DNAH7: variants seen among roughly 807,000 people sequenced by gnomAD.
DNAH7 encodes dynein axonemal heavy chain 7.
A neutral mutation model predicts 444.6 loss-of-function variants in DNAH7; 397 were observed. The ratio of observed to expected loss-of-function variants is 0.89; its 90% CI spans 0.82 to 0.97. DNAH7 has a LOEUF of 0.97. Ranked by LOEUF, DNAH7 falls within the 50% of genes least tolerant of loss-of-function variation. DNAH7 has a pLI of 0.00. For missense variants in DNAH7, 4,902 were observed against 4,800.8 expected (o/e 1.02, Z -0.62); for synonymous variants, 1,636 against 1,624.4 (o/e 1.01, Z -0.17).
chr2:196,046,790 G>A (rs957563496), intron 5 of DNAH7, among the ~76,000 whole-genome samples: 2 of 152,076 alleles, frequency 1.3e-5, no homozygotes, highest in Non-Finnish European at 2.9e-5. Context: ...AACCCCACTC[G>A]TCCCACAAAT....
Position 195,751,168 on chromosome 2 carries a change from G to C in DNAH7, c.11764+3169C>G, listed in dbSNP as rs190008892. 2.8e-4 allele frequency among the ~76,000 whole-genome samples: 42 copies of C among 152,264 alleles called. 1 individual carries two copies. The highest frequency in any genetic ancestry group is 3.9e-4 in the Admixed American group (6 of 15,294). ...CTTTTGAGTATGTTAAGAATAAAGG[G>C]ATTTTGAACAAATGGTCAGAATAAT... On this transcript the variant is annotated intron_variant, in intron 63 of 64. Transcript: ENST00000312428.
intron 19 of DNAH7, among the ~76,000 whole-genome samples, chr2:195,950,373 G>T (rs961511072): frequency 1.3e-5 from 2 of 152,112 alleles, no homozygotes; most frequent in African/African-American, 4.8e-5. Flanking sequence ...ATTTCTTCTA[G>T]GTTTTGTAGT....
intron 39 of DNAH7, among the ~76,000 whole-genome samples, chr2:195,873,203 A>G (rs964076812): frequency 1.3e-5 from 2 of 152,176 alleles, no homozygotes; most frequent in Non-Finnish European, 2.9e-5. Flanking sequence ...CTCTGCAGCT[A>G]GGCAGCTCCA....
intron 27 of DNAH7, among the ~76,000 whole-genome samples, chr2:195,906,380 G>A (rs1337605083): frequency 6.8e-6 from 1 of 147,278 alleles, no homozygotes; most frequent in Non-Finnish European, 1.5e-5. Flanking sequence ...CTCAAGGATA[G>A]CATATTCTTT....
chr2:195,884,393 G>A (rs1346860910), intron 35 of DNAH7, among the ~76,000 whole-genome samples, 192 bp downstream of exon 35: 1 of 152,200 alleles, frequency 6.6e-6, no homozygotes, highest in African/African-American at 2.4e-5. Flanking sequence ...TGGCTATACA[G>A]AAAGAAAGTG....
intron 55 of DNAH7, among the ~76,000 whole-genome samples, chr2:195,798,841 T>C (rs1038269214): frequency 9.9e-5 from 15 of 152,054 alleles, no homozygotes; most frequent in African/African-American, 2.7e-4. Context: ...CCACCGTGCC[T>C]GGCCAGAACA....
chr2:195,856,286 T>C (rs1030855550), intron 44 of DNAH7, among the ~76,000 whole-genome samples: 58 of 152,184 alleles, frequency 3.8e-4, no homozygotes, highest in Non-Finnish European at 2.9e-5. Flanking sequence ...TATTACAATG[T>C]TATTAGAAGC....
intron 42 of DNAH7, among the ~76,000 whole-genome samples, chr2:195,860,301 T>C (rs745611578): frequency 2.0e-5 from 3 of 152,124 alleles, no homozygotes; most frequent in Non-Finnish European, 4.4e-5. Flanking sequence ...CCATGAGTGA[T>C]ATCCAAAATT....
At chr2:196,047,628 T>G (rs962336393) in intron 4 of DNAH7, 129 bp from the exon 5 acceptor site, 2 of 682,922 alleles carry the variant, frequency 2.9e-6, no homozygotes, top group Non-Finnish European at 4.1e-6. Flanking sequence ...ATCCTAAGTA[T>G]AATTTTTTTT....
rs1432034514 is a variant in DNAH7, at chr2:195,749,744, A to G, written c.11764+4593T>C. 6.6e-5 allele frequency among the ~76,000 whole-genome samples: 10 copies of G among 150,978 alleles called. No individual in the cohort carries two copies. In the East Asian group the frequency reaches 2.0e-3, roughly 30 times the overall value. On this transcript the variant is annotated intron_variant, in intron 63 of 64. Transcript: ENST00000312428. ...AACTATCGCAAGAACAAGAAACCAA[A>G]CACCGCGTATTCTCACTCATAGGTG...
chr2:195,748,885 A>G (rs958085793), intron 63 of DNAH7, among the ~76,000 whole-genome samples: 5 of 152,224 alleles, frequency 3.3e-5, no homozygotes, highest in Non-Finnish European at 7.3e-5. Context: ...TAAAAACCCT[A>G]GAAGAAAACC....
chr2:195,805,927 T>G (rs1223387215), intron 54 of DNAH7, among the ~76,000 whole-genome samples: 1 of 152,228 alleles, frequency 6.6e-6, no homozygotes, highest in African/African-American at 2.4e-5. Context: ...ATACATTACT[T>G]TGACAATCTA....
At chr2:195,958,667 T>C (rs529477048) in intron 18 of DNAH7, among the ~76,000 whole-genome samples, 3 of 152,214 alleles carry the variant, frequency 2.0e-5, no homozygotes, top group South Asian at 4.1e-4. Context: ...TTTCTAAGTA[T>C]AGAGAATATA....
At chr2:196,051,161 A>G (rs764763641) in intron 3 of DNAH7, 26 bp downstream of exon 3, 3 of 1,595,604 alleles carry the variant, frequency 1.9e-6, no homozygotes, top group Admixed American at 1.7e-5. Flanking sequence ...ACAAAAATTC[A>G]ATGAGAATAT....
At position 196,047,427 on chromosome 2, in the gene DNAH7, G is replaced by A. The variant is rs1289514949; in HGVS notation, c.323C>T (p.Ser108Phe). The A allele has an allele frequency of 6.2e-7, 1 of 1,605,176 alleles. No individual in the cohort carries two copies. The highest frequency in any genetic ancestry group is 8.5e-7 in the Non-Finnish European group (1 of 1,175,018). ...HQVDDSYVGPSTSKSKGKSPH... is the reference protein window; with the variant it reads ...HQVDDSYVGPFTSKSKGKSPH... ...AGATTTGCCCTTTGATTTGGAAGTA[G>A]ATGGTCCAACATAACTATCATCAAC... The change falls in exon 5 of 65, where the codon TCT (serine) becomes TTT (phenylalanine). Residue 108 changes from serine (S) to phenylalanine (F), a missense_variant. By Grantham distance (155) the Ser-to-Phe change is radical. Coordinates refer to ENST00000312428, the MANE Select transcript of DNAH7 (RefSeq NM_018897.3).
intron 15 of DNAH7, among the ~76,000 whole-genome samples, chr2:195,973,851 G>A (rs1463589526): frequency 6.6e-6 from 1 of 152,014 alleles, no homozygotes; most frequent in Non-Finnish European, 1.5e-5. Flanking sequence ...CTTTTGTGAG[G>A]TCTAGGCAGG....
At chr2:195,942,987 C>T (rs1302344945) in intron 19 of DNAH7, among the ~76,000 whole-genome samples, 6 of 152,028 alleles carry the variant, frequency 3.9e-5, no homozygotes, top group East Asian at 1.9e-4. Flanking sequence ...ATTGAATCAT[C>T]GGGGTGGGTT....
intron 63 of DNAH7, among the ~76,000 whole-genome samples, chr2:195,746,892 T>G (rs549061896): frequency 0.018 from 2,736 of 151,342 alleles, 74 homozygotes; most frequent in African/African-American, 0.062. Flanking sequence ...CAAGAGAAAG[T>G]AGGAAAGATC....
chr2:195,949,255 T>A, intron 19 of DNAH7, among the ~76,000 whole-genome samples: 1 of 152,288 alleles, frequency 6.6e-6, no homozygotes, highest in Admixed American at 6.5e-5. Flanking sequence ...TCTGACTTCC[T>A]CTCTTCCTTT....
Sources: allele counts gnomAD v4.1 joint callset (sites outside exome capture counted in the v4.1 genomes callset), GRCh38; gene constraint gnomAD v4.1.1; transcripts MANE v1.5; gene names NCBI Gene and HGNC (gene_info 2026-07-23, HGNC 2026-07-21).